The following ATP2B1 variants were observed in gnomAD, a reference collection of about 807,000 sequenced individuals.
The protein encoded by ATP2B1 is plasma membrane calcium-transporting ATPase 1.
A neutral mutation model predicts 124.2 loss-of-function variants in ATP2B1; 14 were observed. That is an observed-to-expected ratio of 0.11 (90% confidence interval 0.07 to 0.18). The LOEUF is 0.18. ATP2B1 is among the 10% of genes least tolerant of loss of function. ATP2B1 has a pLI of 1.00. For missense variants in ATP2B1, 763 were observed against 1,466.1 expected, an observed-to-expected ratio of 0.52 and a Z score of 7.83; for synonymous variants, 449 against 492.4, an observed-to-expected ratio of 0.91 and a Z score of 1.17.
chr12:89,609,483 AT>A (rs1285188972), intron 15 of ATP2B1, among the ~76,000 whole-genome samples: 2 of 152,118 alleles, frequency 1.3e-5, no homozygotes, highest in African/African-American at 4.8e-5. Flanking sequence ...AGTAGGTAGG[AT>A]TTTTTTCAAT....
intron 1 of ATP2B1, among the ~76,000 whole-genome samples, chr12:89,677,969 T>TACACACACACACACAC (rs1207955529): frequency 1.7e-5 from 1 of 59,538 alleles, no homozygotes; most frequent in Non-Finnish European, 3.5e-5. Context: ...TATATATATA[T>TACACACACACACACAC]ATACACACAC....
At chr12:89,685,118 C>G (rs1411747311) in intron 1 of ATP2B1, among the ~76,000 whole-genome samples, 1 of 152,104 alleles carries the variant, frequency 6.6e-6, no homozygotes, top group Non-Finnish European at 1.5e-5. Context: ...TGCAATTTAG[C>G]AGGATGATCA....
chr12:89,603,883 T>C lies in ATP2B1; in HGVS notation c.2677A>G (p.Ile893Val). 1.2e-6 allele frequency: 2 copies of C among 1,614,122 alleles called. No homozygotes were observed. The highest frequency in any genetic ancestry group is 1.7e-6 in the Non-Finnish European group (2 of 1,180,000). The change falls in exon 17 of 21, where the codon ATA (isoleucine) becomes GTA (valine). Residue 893 changes from isoleucine to valine, a missense_variant. Ile to Val is a conservative substitution (Grantham distance 29, BLOSUM62 3). Transcript: ENST00000428670. The surrounding 1 kb of genome is among the most constrained non-coding windows in gnomAD (Gnocchi z 4.3). Reference protein sequence around the residue: ...KAVQMLWVNLIMDTLASLALA... With the variant: ...KAVQMLWVNLVMDTLASLALA... ...GCCAGGGAAGCGAGTGTATCCATTA[T>C]GAGGTTTACCCACAGCATCTGCACA...
At chr12:89,651,569 G>A (rs987827768) in intron 2 of ATP2B1, among the ~76,000 whole-genome samples, 1 of 152,106 alleles carries the variant, frequency 6.6e-6, no homozygotes, top group Non-Finnish European at 1.5e-5. Context: ...TACCTGGCCA[G>A]GGTATGTTTT....
chr12:89,681,836 G>A (rs1215921366), intron 1 of ATP2B1, among the ~76,000 whole-genome samples: 1 of 152,050 alleles, frequency 6.6e-6, no homozygotes, highest in Non-Finnish European at 1.5e-5. Flanking sequence ...GGGAAAACTA[G>A]AGGCATTTAA....
intron 11 of ATP2B1, among the ~76,000 whole-genome samples, chr12:89,618,839 A>G (rs936319165): frequency 1.3e-5 from 2 of 152,184 alleles, no homozygotes; most frequent in Admixed American, 1.3e-4. Context: ...TTGTCTCTTA[A>G]ACTAATTGTA....
chr12:89,707,357 T>G (rs1336328554), intron 1 of ATP2B1, among the ~76,000 whole-genome samples: 1 of 152,088 alleles, frequency 6.6e-6, no homozygotes, highest in Non-Finnish European at 1.5e-5. Context: ...AGCCTTATTT[T>G]AAAATAAGAC....
Position 89,635,178 on chromosome 12 carries a change from G to A in ATP2B1, c.480C>T (p.Leu160=). The change falls in exon 4 of 21, where the codon CTC becomes CTT. Residue 160 remains leucine (L), a synonymous_variant. Transcript: ENST00000428670. ...ETGWIEGAAI[L]LSVVCVVLVT... ...CTAACACCACACACACTACAGACAA[G>A]AGGATTGCAGCTCCTTCAATCCAAC... is the stretch of plus-strand genomic sequence containing the variant. 1.2e-6 allele frequency: 2 copies of A among 1,613,710 alleles called. No individual in the cohort carries two copies.
chr12:89,659,492 T>C (rs1327650904), intron 1 of ATP2B1, among the ~76,000 whole-genome samples: 3 of 152,176 alleles, frequency 2.0e-5, no homozygotes, highest in Non-Finnish European at 2.9e-5. Context: ...TGTGAATGGG[T>C]AGGGCCTTAG....
chr12:89,638,207 A>G (rs1314360535), intron 3 of ATP2B1, among the ~76,000 whole-genome samples: 1 of 152,220 alleles, frequency 6.6e-6, no homozygotes, highest in African/African-American at 2.4e-5. Context: ...CTCAAATATA[A>G]TAATAAAAAC....
In ATP2B1 at chr12:89,655,926, GAATTT is replaced by G. The variant is rs776792596; in HGVS notation, c.-45_-41del. On this transcript the variant is annotated 5_prime_UTR_variant, in exon 2 of 21. Transcript: ENST00000428670. ...ATCAGAAGGAAAATGTTTCCCAAAA[GAATTT>G]AATTTTCACTTGATGTATTTCCAAG... is the stretch of plus-strand genomic sequence containing the variant. 2.7e-6 allele frequency: 4 copies of G among 1,508,842 alleles called. No individual in the cohort carries two copies. Among genetic ancestry groups the G allele is most frequent in the Non-Finnish European group, 3.6e-6 (4 of 1,124,904 alleles). 93.5% of individuals were successfully genotyped at this position (1,508,842 alleles called of 1,614,324 possible). A position where few individuals can be genotyped will look rare whatever the true frequency, so the allele number is the denominator to read the frequency against.
rs117977308 is a variant in ATP2B1, at chr12:89,682,857, T to C, written c.-222+25739A>G. ...ATAAATTTGACCACAAAATTAAACT[T>C]CTGCATGGCAAAACACAACATAAGC... On this transcript the variant is annotated intron_variant, in intron 1 of 20. Transcript: ENST00000428670. 1.8e-3 allele frequency among the ~76,000 whole-genome samples: 281 copies of C among 152,266 alleles called. 4 individuals are homozygous for C. The East Asian group carries it at 0.041, about 22-fold the overall frequency.
At chr12:89,657,996 G>C (rs1886156721) in intron 1 of ATP2B1, among the ~76,000 whole-genome samples, 1 of 152,044 alleles carries the variant, frequency 6.6e-6, no homozygotes, top group Admixed American at 6.6e-5. Context: ...CATCTCCCAG[G>C]CAAAGTGGGT....
chr12:89,611,116 AAT>A (rs1877928642), intron 13 of ATP2B1, 75 bp downstream of exon 13: 1 of 1,348,940 alleles, frequency 7.4e-7, no homozygotes, highest in Non-Finnish European at 1.0e-6. Context: ...GTGCATATTC[AAT>A]ATGTGTTTGT....
At chr12:89,635,374 T>C (rs1202990889) in intron 3 of ATP2B1, 123 bp from the exon 4 acceptor site, 24 of 1,156,356 alleles carry the variant, frequency 2.1e-5, no homozygotes, top group Non-Finnish European at 2.7e-5. Flanking sequence ...TAGCAATAAA[T>C]ACTTTATTAA....
intron 20 of ATP2B1, among the ~76,000 whole-genome samples, chr12:89,596,730 G>A (rs1470706342): frequency 6.6e-6 from 1 of 152,046 alleles, no homozygotes; most frequent in East Asian, 1.9e-4. Context: ...CTTGTCTGTA[G>A]GTTTGAATTT....
chr12:89,602,436 T>C (rs1168639237), intron 18 of ATP2B1, among the ~76,000 whole-genome samples: 4 of 152,160 alleles, frequency 2.6e-5, no homozygotes, highest in African/African-American at 9.7e-5. Flanking sequence ...ATTCCTTTCT[T>C]TTTAGCTCTA....
At chr12:89,669,729 A>G (rs1485586549) in intron 1 of ATP2B1, among the ~76,000 whole-genome samples, 1 of 152,218 alleles carries the variant, frequency 6.6e-6, no homozygotes, top group East Asian at 1.9e-4. Flanking sequence ...ATTAATAGTA[A>G]TATTTTTAAT....
chr12:89,669,089 C>T (rs1324665258), intron 1 of ATP2B1, among the ~76,000 whole-genome samples: 1 of 152,148 alleles, frequency 6.6e-6, no homozygotes, highest in Admixed American at 6.5e-5. Context: ...GTATGTACTG[C>T]ATTTTCTTGT....
Sources: gnomAD v4.1 joint callset for allele counts (sites outside exome capture counted in the v4.1 genomes callset) on GRCh38, gnomAD v4.1.1 for gene constraint, Gnocchi (gnomAD v3.1) non-coding constraint, MANE v1.5 for transcripts, NCBI Gene and HGNC (gene_info 2026-07-23, HGNC 2026-07-21) for gene names.